NTNG2: variants seen among roughly 807,000 people sequenced by gnomAD.
NTNG2 encodes the protein netrin-G2.
Under a neutral mutation model 47.6 loss-of-function variants are expected in NTNG2, and 15 were observed. That is an observed-to-expected ratio of 0.32 (90% CI 0.21 to 0.49). NTNG2 has a LOEUF of 0.49. Among genes scored for constraint, NTNG2 ranks in the 20% least tolerant of loss-of-function variants. The pLI is 0.99. For missense variants in NTNG2, 578 were observed against 764.6 expected (o/e 0.76, Z 2.88); for synonymous variants, 307 against 324.6 (o/e 0.95, Z 0.58).
intron 4 of NTNG2, among the ~76,000 whole-genome samples, chr9:132,228,954 G>A (rs1840994753): frequency 6.6e-6 from 1 of 152,010 alleles, no homozygotes; most frequent in Non-Finnish European, 1.5e-5. Context: ...CACCTAGGAG[G>A]ATCCACTGTC....
intron 2 of NTNG2, among the ~76,000 whole-genome samples, chr9:132,172,925 T>C (rs1589369028): frequency 1.3e-5 from 2 of 152,154 alleles, no homozygotes; most frequent in Middle Eastern, 6.8e-3. Flanking sequence ...GAGACGGGGT[T>C]TCACTGTGTT....
rs1211675582 is a variant in NTNG2 at position 132,242,452 on chromosome 9, C to A, written c.*341C>A. Reference sequence around the variant, plus strand: ...CGGGAGAAACGCTGCTCGCCCCACACCCCGTCCTGCCTCCCACCACACTTA... The same window carrying A: ...CGGGAGAAACGCTGCTCGCCCCACAACCCGTCCTGCCTCCCACCACACTTA... On this transcript the variant is annotated 3_prime_UTR_variant, in exon 8 of 8. Transcript: ENST00000393229. This position sits in a 1 kb window ranked among gnomAD's most constrained non-coding sequence, Gnocchi z 5.9. 2 of 152,538 alleles carry A rather than the reference C, an allele frequency of 1.3e-5. No homozygotes were observed. Among genetic ancestry groups the A allele is most frequent in the Admixed American group, 6.5e-5 (1 of 15,298 alleles). The allele number at this position is 152,538 out of a possible 1,614,324, so 9.4% of individuals were successfully genotyped here. A position where few individuals can be genotyped will look rare whatever the true frequency, so the allele number is the denominator to read the frequency against.
At chr9:132,206,527 C>T (rs1209772526) in intron 3 of NTNG2, among the ~76,000 whole-genome samples, 2 of 152,148 alleles carry the variant, frequency 1.3e-5, no homozygotes, top group African/African-American at 2.4e-5. Context: ...TTTATCCAGG[C>T]GTGGTGGCGT....
rs536147935 is a variant in NTNG2, at chr9:132,215,083, G to T, written c.858-11766G>T. ...TTAATTTTTTTGTAGAGATTGGGGG[G>T]GGGGGTCTCACTTTCTTGCCCAGGC... is the stretch of plus-strand genomic sequence containing the variant. On this transcript the variant is annotated intron_variant, in intron 3 of 7. Coordinates refer to ENST00000393229, the MANE Select transcript of NTNG2 (RefSeq NM_032536.4). The surrounding 1 kb of genome is among the most constrained non-coding windows in gnomAD (Gnocchi z 4.2). Among the ~76,000 whole-genome samples, 3 of 149,926 alleles carry T rather than the reference G, an allele frequency of 2.0e-5. No individual in the cohort carries two copies. The highest frequency in any genetic ancestry group is 3.0e-5 in the Non-Finnish European group (2 of 67,384).
Position 132,222,068 on chromosome 9 carries a change from C to T in NTNG2, c.858-4781C>T, listed in dbSNP as rs533925351. 5.3e-5 allele frequency among the ~76,000 whole-genome samples: 8 copies of T among 152,340 alleles called. No individual in the cohort carries two copies. The South Asian group carries it at 1.7e-3, about 32-fold the overall frequency. ...ATTCAGAAGTTGCGAATTAAAACCT[C>T]CCCAGGTCAGATTTTGCAGACAAAC... On this transcript the variant is annotated intron_variant, in intron 3 of 7. Transcript: ENST00000393229.
At chr9:132,241,724 G>C (rs75552581) in intron 7 of NTNG2, 152 bp from the exon 8 acceptor site, 216,228 of 570,364 alleles carry the variant, frequency 0.38, 44,621 homozygotes, top group African/African-American at 0.67. Flanking sequence ...ACCCTCCGAG[G>C]GGGGACGTTT....
rs561555445 is a variant in NTNG2, at chr9:132,170,150, G to T, written c.213+3106G>T. On this transcript the variant is annotated intron_variant, in intron 2 of 7. Transcript: ENST00000393229. ...TCCGAGGGTACAGGAGGGACCCAGG[G>T]GCGGACGGCCTTTTCAGATGCGGGG... 3.9e-5 allele frequency among the ~76,000 whole-genome samples: 6 copies of T among 152,336 alleles called. No homozygotes were observed. The South Asian group carries it at 1.2e-3, about 32-fold the overall frequency.
chr9:132,197,913 G>C lies in NTNG2; in HGVS notation c.214-53G>C. ...GGCTAGGCCGCGCAGAGGCTTCCCA[G>C]GCCATCCCGAGCATCCAGCACCCAC... On this transcript the variant is annotated intron_variant, in intron 2 of 7. Coordinates refer to ENST00000393229, the MANE Select transcript of NTNG2 (RefSeq NM_032536.4). This position sits in a 1 kb window ranked among gnomAD's most constrained non-coding sequence, Gnocchi z 4.3. 1.3e-6 allele frequency: 2 copies of C among 1,547,168 alleles called. No individual in the cohort carries two copies. The highest frequency in any genetic ancestry group is 2.5e-5 in the South Asian group (2 of 81,582).
intron 3 of NTNG2, among the ~76,000 whole-genome samples, chr9:132,209,081 C>G (rs919886505): frequency 6.6e-6 from 1 of 152,242 alleles, no homozygotes; most frequent in African/African-American, 2.4e-5. Flanking sequence ...TACCCATTCT[C>G]CGTGGAAGGA....
rs1839881510 is a variant in NTNG2, at chr9:132,215,140, C to T, written c.858-11709C>T. ...CAAACTCCTGTTCTCAGGTAATCCT[C>T]CTGCCTGGGCCTCCCAGAGTGCCCA... On this transcript the variant is annotated intron_variant, in intron 3 of 7. Coordinates refer to ENST00000393229, the MANE Select transcript of NTNG2 (RefSeq NM_032536.4). The surrounding 1 kb of genome is among the most constrained non-coding windows in gnomAD (Gnocchi z 4.2). Among the ~76,000 whole-genome samples the T allele has an allele frequency of 6.6e-6, 1 of 151,918 alleles. No individual in the cohort carries two copies. Among genetic ancestry groups the T allele is most frequent in the African/African-American group, 2.4e-5 (1 of 41,316 alleles).
rs775595149 is a variant in NTNG2, at chr9:132,163,984, G to C, written c.-484+1745G>C. On this transcript the variant is annotated intron_variant, in intron 1 of 7. Transcript: ENST00000393229. This position sits in a 1 kb window ranked among gnomAD's most constrained non-coding sequence, Gnocchi z 7.2. ...TTCCACGGAGAAAACGATCCTCCGG[G>C]ATGCAGCTTCTTACTCTGAAAATTT... 6.6e-6 allele frequency among the ~76,000 whole-genome samples: 1 copy of C among 152,132 alleles called. No homozygotes were observed. The highest frequency in any genetic ancestry group is 1.5e-5 in the Non-Finnish European group (1 of 68,032).
At chr9:132,185,922 C>T (rs924477129) in intron 2 of NTNG2, among the ~76,000 whole-genome samples, 10 of 151,276 alleles carry the variant, frequency 6.6e-5, no homozygotes, top group East Asian at 2.0e-4. Context: ...AGCGGCTGAG[C>T]GCTCCCGCTG....
chr9:132,202,523 G>C (rs900889887), intron 3 of NTNG2, among the ~76,000 whole-genome samples: 1 of 152,248 alleles, frequency 6.6e-6, no homozygotes. Context: ...AGGCAGGCAG[G>C]GGGTGGGAGC....
At chr9:132,189,093 T>TTTTTTTTTTTTTTTTTTTTTTTTTG (rs1181474592) in intron 2 of NTNG2, among the ~76,000 whole-genome samples, 1 of 140,662 alleles carries the variant, frequency 7.1e-6, no homozygotes, top group Non-Finnish European at 1.5e-5. Flanking sequence ...TTTTTTTTTT[T>TTTTTTTTTTTTTTTTTTTTTTTTTG]TTAGACAGGG....
At chr9:132,202,987 A>G (rs1486013337) in intron 3 of NTNG2, among the ~76,000 whole-genome samples, 1 of 152,082 alleles carries the variant, frequency 6.6e-6, no homozygotes, top group East Asian at 1.9e-4. Context: ...GAAATGCTAT[A>G]TTCAAAGAGC....
intron 2 of NTNG2, among the ~76,000 whole-genome samples, chr9:132,189,012 C>CAA (rs1837627206): frequency 6.7e-6 from 1 of 149,930 alleles, no homozygotes; most frequent in Admixed American, 6.7e-5. Flanking sequence ...TTAATACCAC[C>CAA]AAAGCATACC....
At chr9:132,204,167 T>C (rs996964927) in intron 3 of NTNG2, among the ~76,000 whole-genome samples, 1 of 152,148 alleles carries the variant, frequency 6.6e-6, no homozygotes, top group Non-Finnish European at 1.5e-5. Flanking sequence ...AGGAAACCCG[T>C]GAGTTCCAAG....
In NTNG2 at chr9:132,202,777, C is replaced by T. The variant is rs565209073; in HGVS notation, c.857+4168C>T. Among the ~76,000 whole-genome samples the T allele has an allele frequency of 3.9e-4, 59 of 152,292 alleles. 1 individual carries two copies. The highest frequency in any genetic ancestry group is 1.3e-3 in the African/African-American group (53 of 41,560). On this transcript the variant is annotated intron_variant, in intron 3 of 7. Transcript: ENST00000393229. ...TTTAAGACAGGGTTCCCCAGCCCCA[C>T]CACTGAGAGCTTTGGGACCGGGAGG...
Position 132,208,957 on chromosome 9 carries a change from G to A in NTNG2, c.857+10348G>A, listed in dbSNP as rs1276655363. 2.0e-5 allele frequency among the ~76,000 whole-genome samples: 3 copies of A among 152,050 alleles called. No individual in the cohort carries two copies. The highest frequency in any genetic ancestry group is 1.9e-4 in the East Asian group (1 of 5,162). On this transcript the variant is annotated intron_variant, in intron 3 of 7. Coordinates refer to ENST00000393229, the MANE Select transcript of NTNG2 (RefSeq NM_032536.4). This position sits in a 1 kb window ranked among gnomAD's most constrained non-coding sequence, Gnocchi z 4.0. ...CGTGCGGCAGGTGGCTTTTTCAAGG[G>A]GTCTCCTTCGTTCTCACTGTGCCTC...
Sources: gnomAD v4.1 joint callset for allele counts (sites outside exome capture counted in the v4.1 genomes callset) on GRCh38, gnomAD v4.1.1 for gene constraint, Gnocchi (gnomAD v3.1) non-coding constraint, MANE v1.5 for transcripts, NCBI Gene and HGNC (gene_info 2026-07-23, HGNC 2026-07-21) for gene names.